GAB4: variants seen among roughly 807,000 people sequenced by gnomAD.
The protein encoded by GAB4 is GRB2 associated binding protein family member 4.
A neutral mutation model predicts 51.3 loss-of-function variants in GAB4; 26 were observed. That is an observed-to-expected ratio of 0.51 (90% CI 0.37 to 0.70). GAB4 has a LOEUF of 0.70. Among genes scored for constraint, GAB4 ranks in the 30% least tolerant of loss-of-function variants. GAB4 has a pLI of 0.00. For missense variants in GAB4, 759 were observed against 734.6 expected (o/e 1.03, Z -0.38); for synonymous variants, 329 against 291.2 (o/e 1.13, Z -1.32).
intron 3 of GAB4, among the ~76,000 whole-genome samples, chr22:16,986,096 C>CATTT (rs575937643): frequency 2.0e-5 from 3 of 152,228 alleles, no homozygotes; most frequent in Non-Finnish European, 4.4e-5. Context: ...TGCAGGCAGA[C>CATTT]ATTTACCTGT....
intron 3 of GAB4, among the ~76,000 whole-genome samples, chr22:16,976,529 C>G (rs1311824370): frequency 6.6e-6 from 1 of 151,914 alleles, no homozygotes; most frequent in South Asian, 2.1e-4. Flanking sequence ...GTGAAAAGAC[C>G]AAGCTACGTT....
intron 1 of GAB4, among the ~76,000 whole-genome samples, chr22:17,006,530 C>T (rs1288668102): frequency 6.6e-6 from 1 of 152,232 alleles, no homozygotes; most frequent in African/African-American, 2.4e-5. Context: ...GATTACAAAT[C>T]ATTCTACTAT....
chr22:16,976,312 G>C (rs765372138), intron 3 of GAB4, among the ~76,000 whole-genome samples: 3 of 152,178 alleles, frequency 2.0e-5, no homozygotes, highest in Non-Finnish European at 2.9e-5. Context: ...AACCAGTTCA[G>C]AGAAGAACAT....
At chr22:17,006,925 C>T (rs1166778488) in intron 1 of GAB4, among the ~76,000 whole-genome samples, 4 of 152,056 alleles carry the variant, frequency 2.6e-5, no homozygotes, top group Non-Finnish European at 4.4e-5. Context: ...TTGATGGGTG[C>T]AGCAAACCAC....
Position 16,962,770 on chromosome 22 carries a change from C to T in GAB4, c.1688G>A (p.Arg563Gln). ...GCCCCTGGGAGGCTCTGAGGACTGC[C>T]GCAGGCACATCTGTTCATGCATGGT... The part of the protein sequence containing the change: ...QKTMHEQMCL[R>Q]QSSEPPRGAK... Residue 563 changes from arginine to glutamine, a missense_variant, in exon 10 of 10, where the codon CGG becomes CAG. Arg to Gln is a conservative substitution (Grantham distance 43). Coordinates refer to ENST00000400588, the MANE Select transcript of GAB4 (RefSeq NM_001037814.1). 1 of 1,613,322 alleles carries T rather than the reference C, an allele frequency of 6.2e-7. No individual in the cohort carries two copies. The highest frequency in any genetic ancestry group is 1.1e-5 in the South Asian group (1 of 91,056).
chr22:16,968,418 G>A, intron 4 of GAB4, 35 bp from the exon 5 acceptor site: 1 of 1,481,954 alleles, frequency 6.7e-7, no homozygotes, highest in Non-Finnish European at 9.4e-7. Flanking sequence ...ATGCATCACA[G>A]CTGATCCATG....
chr22:16,998,741 C>T (rs916568434), intron 1 of GAB4, among the ~76,000 whole-genome samples: 1 of 152,162 alleles, frequency 6.6e-6, no homozygotes, highest in African/African-American at 2.4e-5. Context: ...AAAGGGAATG[C>T]TTCCAGTTTT....
chr22:17,006,318 G>T (rs1049047977), intron 1 of GAB4, among the ~76,000 whole-genome samples: 40 of 152,058 alleles, frequency 2.6e-4, no homozygotes, highest in African/African-American at 9.7e-4. Flanking sequence ...ACCATCTCAC[G>T]CCAGTTAGAA....
At chr22:16,975,073 C>T (rs2060765818) in intron 3 of GAB4, among the ~76,000 whole-genome samples, 1 of 152,208 alleles carries the variant, frequency 6.6e-6, no homozygotes, top group African/African-American at 2.4e-5. Context: ...AAGCACAAAA[C>T]TGGGCAGCTT....
intron 3 of GAB4, among the ~76,000 whole-genome samples, chr22:16,971,225 G>GT (rs1381013009): frequency 6.6e-6 from 1 of 152,162 alleles, no homozygotes; most frequent in East Asian, 1.9e-4. Flanking sequence ...TTATTAAAAC[G>GT]TAAGTTTTGG....
At position 16,968,340 on chromosome 22, in the gene GAB4, G is replaced by A. The variant is rs376659978; in HGVS notation, c.981C>T (p.Ser327=). 1 of 1,613,930 alleles carries A rather than the reference G, an allele frequency of 6.2e-7. No homozygotes were observed. Among genetic ancestry groups the A allele is most frequent in the African/African-American group, 1.3e-5 (1 of 74,904 alleles). ...KYTQHGGGNA[S]RPAESMHEGV... is the part of the protein sequence containing the mutation. ...CCTCATGCATGGACTCAGCAGGCCG[G>A]CTGGCATTCCCTCCACCATGCTGGG... Residue 327 remains serine, a synonymous_variant, in exon 5 of 10, where the codon AGC becomes AGT. Coordinates refer to ENST00000400588, the MANE Select transcript of GAB4 (RefSeq NM_001037814.1).
intron 1 of GAB4, among the ~76,000 whole-genome samples, chr22:17,002,667 T>G (rs987846906): frequency 6.6e-6 from 1 of 151,554 alleles, no homozygotes; most frequent in African/African-American, 2.4e-5. Flanking sequence ...CATCACACAC[T>G]GGGGCCTGTT....
At chr22:17,001,197 T>C (rs1217781434) in intron 1 of GAB4, among the ~76,000 whole-genome samples, 1 of 152,244 alleles carries the variant, frequency 6.6e-6, no homozygotes, top group Non-Finnish European at 1.5e-5. Flanking sequence ...CCTTGCTAGG[T>C]TGGGGAAATT....
chr22:17,008,083 T>A lies in GAB4; in HGVS notation c.32A>T (p.Glu11Val), dbSNP rs773884507. 2.5e-6 allele frequency: 4 copies of A among 1,606,350 alleles called. No individual in the cohort carries two copies. MSLPSPSPSR[E>V]LCPPDPAFAP... The stretch of plus-strand genomic sequence containing the variant: ...AAATGCCGGGTCAGGTGGGCACAGC[T>A]CCCGGGAGGGTGAGGGGGACGGCAG... The change falls in exon 1 of 10, where the codon GAG becomes GTG. Residue 11 changes from glutamate to valine, a missense_variant. By Grantham distance (121) the Glu-to-Val change is moderately radical. This residue lies in a region of GAB4 where 83 missense variants were observed against 73.1 expected (regional missense o/e 1.14). Transcript: ENST00000400588.
intron 3 of GAB4, among the ~76,000 whole-genome samples, chr22:16,976,453 G>C (rs146016526): frequency 0.01 from 1,583 of 152,270 alleles, 26 homozygotes; most frequent in African/African-American, 0.036. Context: ...AATAAAGCAT[G>C]AAGACGAGAT....
At chr22:16,964,425 C>T (rs73145682) in intron 8 of GAB4, among the ~76,000 whole-genome samples, 3,371 of 152,352 alleles carry the variant, frequency 0.022, 57 homozygotes, top group Middle Eastern at 0.068. Context: ...ACAGCCCTCA[C>T]CAGGGTGAAG....
intron 1 of GAB4, among the ~76,000 whole-genome samples, chr22:16,997,471 G>T (rs2060959135): frequency 6.6e-6 from 1 of 152,112 alleles, no homozygotes; most frequent in South Asian, 2.1e-4. Flanking sequence ...CATATCCTTT[G>T]CCCACTTTTT....
At chr22:16,975,867 G>C (rs190287365) in intron 3 of GAB4, among the ~76,000 whole-genome samples, 15 of 152,284 alleles carry the variant, frequency 9.9e-5, no homozygotes, top group African/African-American at 3.6e-4. Flanking sequence ...CTCCACTGGT[G>C]ATATCTGCCG....
chr22:16,983,383 A>G (rs1322115854), intron 3 of GAB4, among the ~76,000 whole-genome samples: 1 of 152,102 alleles, frequency 6.6e-6, no homozygotes, highest in Non-Finnish European at 1.5e-5. Flanking sequence ...AACACTACCT[A>G]AAGAAATCTG....
Sources: allele counts gnomAD v4.1 joint callset (sites outside exome capture counted in the v4.1 genomes callset), GRCh38; gene constraint gnomAD v4.1.1; regional missense constraint gnomAD v4.1.1; transcripts MANE v1.5; gene names NCBI Gene and HGNC (gene_info 2026-07-23, HGNC 2026-07-21).